The following TNRC6B variants were observed in gnomAD, a reference collection of about 807,000 sequenced individuals.
The protein encoded by TNRC6B is trinucleotide repeat-containing gene 6B protein.
In TNRC6B, 52 loss-of-function variants were observed where a neutral mutation model predicts 203.6. That is an observed-to-expected ratio of 0.26 (90% CI 0.20 to 0.32). The LOEUF (loss-of-function observed/expected upper bound fraction) is 0.32. TNRC6B is among the 10% of genes least tolerant of loss of function. The pLI is 1.00. For synonymous variants in TNRC6B, 838 were observed against 845.7 expected, an observed-to-expected ratio of 0.99 and a Z score of 0.16; for missense variants, 1,923 against 2,286.2, an observed-to-expected ratio of 0.84 and a Z score of 3.24.
At position 40,266,685 on chromosome 22, in the gene TNRC6B, C is replaced by A. The variant is rs763965075; in HGVS notation, c.2455C>A (p.Gln819Lys). 6.2e-6 allele frequency: 10 copies of A among 1,613,752 alleles called. No individual in the cohort carries two copies. In the South Asian group the frequency reaches 1.1e-4, roughly 18 times the overall value. ...CCGACAGCCCAATTCCTGGAATAAACAACACCAACAGCAGCAGCCCCCACA... is the reference window on the plus strand; with the variant it reads ...CCGACAGCCCAATTCCTGGAATAAAAAACACCAACAGCAGCAGCCCCCACA... Reference protein sequence around the residue: ...TGRQPNSWNKQHQQQQPPQQP... With the variant: ...TGRQPNSWNKKHQQQQPPQQP... The change falls in exon 5 of 23, where the codon CAA (glutamine) becomes AAA (lysine). Residue 819 changes from glutamine (Q) to lysine (K), a missense_variant. Coordinates refer to ENST00000454349, the MANE Select transcript of TNRC6B (RefSeq NM_001162501.2).
In TNRC6B at chr22:40,047,743, G is replaced by A. The variant is rs528345476; in HGVS notation, c.-121+2745G>A. 2.6e-5 allele frequency among the ~76,000 whole-genome samples: 4 copies of A among 152,270 alleles called. No individual in the cohort carries two copies. The South Asian group carries it at 8.3e-4, about 32-fold the overall frequency. On this transcript the variant is annotated intron_variant, in intron 1 of 23. Coordinates refer to the TNRC6B transcript ENST00000301923. ...ATACATTTTAGCTCAAGAGTTCAAG[G>A]CTTTCAGAGCCCTTTGTGCAGATTG...
intron 2 of TNRC6B, among the ~76,000 whole-genome samples, chr22:40,248,647 A>G (rs188807946): frequency 1.3e-5 from 2 of 152,304 alleles, no homozygotes; most frequent in African/African-American, 2.4e-5. Flanking sequence ...TATGCAGAGA[A>G]TGTAGTTTAT....
chr22:40,312,352 GA>G (rs1198208193), intron 17 of TNRC6B, among the ~76,000 whole-genome samples, 152 bp from the exon 18 acceptor site: 1 of 152,140 alleles, frequency 6.6e-6, no homozygotes, highest in Non-Finnish European at 1.5e-5. Context: ...TGTTCATGGT[GA>G]TTTTTTTTTC....
intron 3 of TNRC6B, among the ~76,000 whole-genome samples, chr22:40,128,879 T>C (rs78150499): frequency 0.014 from 2,155 of 152,194 alleles, 57 homozygotes; most frequent in African/African-American, 0.05. Flanking sequence ...GAACCAAAAA[T>C]ACATGGTTCC....
chr22:40,044,969 C>T (rs2146256695), exon 1 of TNRC6B: 1 of 151,888 alleles, frequency 6.6e-6, no homozygotes, highest in East Asian at 2.0e-4. Flanking sequence ...CAGCGAAACG[C>T]CGCGCACTCG....
rs895321089 is a variant in TNRC6B, at chr22:40,334,454, C to T, written c.*11213C>T. ...AGCTCAACTGTTCCCACTCCTAACT[C>T]TCCACTATGTGCTTATAACTTCACA... On this transcript the variant is annotated 3_prime_UTR_variant, in exon 23 of 23. Coordinates refer to ENST00000454349, the MANE Select transcript of TNRC6B (RefSeq NM_001162501.2). The T allele has an allele frequency of 6.6e-6, 1 of 152,624 alleles. No homozygotes were observed. Among genetic ancestry groups the T allele is most frequent in the African/African-American group, 2.4e-5 (1 of 41,432 alleles). The allele number at this position is 152,624 out of a possible 1,614,324, so 9.5% of individuals were successfully genotyped here. A position where few individuals can be genotyped will look rare whatever the true frequency, so the allele number is the denominator to read the frequency against.
At chr22:40,213,463 C>T (rs1031845821) in intron 1 of TNRC6B, among the ~76,000 whole-genome samples, 1 of 152,030 alleles carries the variant, frequency 6.6e-6, no homozygotes, top group African/African-American at 2.4e-5. Context: ...TGTGGCAGAC[C>T]GAGGAGATGA....
chr22:40,205,134 G>C (rs1460050154), intron 1 of TNRC6B, among the ~76,000 whole-genome samples: 2 of 152,174 alleles, frequency 1.3e-5, no homozygotes, highest in Non-Finnish European at 2.9e-5. Flanking sequence ...CCACTACTGG[G>C]CCACACTGGA....
rs2071124625 is a variant in TNRC6B, at chr22:40,308,496, GTCT to G, written c.4121-12_4121-10del. 3 of 1,613,864 alleles carry G rather than the reference GTCT, an allele frequency of 1.9e-6. No individual in the cohort carries two copies. The highest frequency in any genetic ancestry group is 2.5e-6 in the Non-Finnish European group (3 of 1,179,808). ...TGATGCTGGAGACTTATAAAATGTG[GTCT>G]TCTCCTTTTTAGGCTTCAGCTCTGG... On this transcript the variant is annotated splice_polypyrimidine_tract_variant and intron_variant, in intron 15 of 22. Transcript: ENST00000454349.
chr22:40,218,524 C>T (rs1023598277), intron 1 of TNRC6B, among the ~76,000 whole-genome samples: 4 of 151,720 alleles, frequency 2.6e-5, no homozygotes, highest in African/African-American at 7.3e-5. Context: ...GACATGGTTT[C>T]GTCATGTTTC....
chr22:40,182,632 T>G (rs1027927554), intron 1 of TNRC6B, among the ~76,000 whole-genome samples: 2 of 152,246 alleles, frequency 1.3e-5, no homozygotes, highest in East Asian at 3.8e-4. Context: ...GTTGGCCCAT[T>G]GCCTTCAATA....
At chr22:40,187,448 T>C (rs1249671363) in intron 1 of TNRC6B, among the ~76,000 whole-genome samples, 4 of 152,168 alleles carry the variant, frequency 2.6e-5, no homozygotes, top group African/African-American at 9.7e-5. Flanking sequence ...TAGAAGTTCC[T>C]AAACATACCG....
intron 1 of TNRC6B, among the ~76,000 whole-genome samples, chr22:40,053,628 A>G (rs1020061501): frequency 1.3e-5 from 2 of 152,154 alleles, no homozygotes; most frequent in African/African-American, 2.4e-5. Flanking sequence ...CTGGATTGCA[A>G]ATTTCTTAAG....
At position 40,238,610 on chromosome 22, in the gene TNRC6B, C is replaced by G. The variant is rs762064725; in HGVS notation, c.6-7405C>G. 4.6e-5 allele frequency among the ~76,000 whole-genome samples: 7 copies of G among 152,224 alleles called. No individual in the cohort carries two copies. In the Middle Eastern group the frequency reaches 0.01, roughly 222 times the overall value. On this transcript the variant is annotated intron_variant, in intron 1 of 22. Coordinates refer to ENST00000454349, the MANE Select transcript of TNRC6B (RefSeq NM_001162501.2). ...TGCCACTCCCTCTGTCTGGAATGTT[C>G]ACCCCCAGATACCCACATGGCCCCA... is the stretch of plus-strand genomic sequence containing the variant.
At chr22:40,073,693 C>T (rs1285299307) in intron 1 of TNRC6B, among the ~76,000 whole-genome samples, 2 of 151,772 alleles carry the variant, frequency 1.3e-5, no homozygotes, top group African/African-American at 2.4e-5. Flanking sequence ...GCAGGTGGAT[C>T]TCTTAAGGCA....
At chr22:40,095,265 T>A (rs1358351513) in intron 1 of TNRC6B, among the ~76,000 whole-genome samples, 1 of 152,226 alleles carries the variant, frequency 6.6e-6, no homozygotes, top group Admixed American at 6.5e-5. Flanking sequence ...TATTTTTTCC[T>A]ACACACCAGA....
At position 40,265,868 on chromosome 22, in the gene TNRC6B, C is replaced by T. The variant is rs1379632460; in HGVS notation, c.1638C>T (p.Leu546=). 1.9e-6 allele frequency: 3 copies of T among 1,613,998 alleles called. No individual in the cohort carries two copies. The South Asian group carries it at 3.3e-5, about 18-fold the overall frequency. The change falls in exon 5 of 23, where the codon CTC becomes CTT. Residue 546 remains leucine, a synonymous_variant. Transcript: ENST00000454349. ...GGGACAATCAAAAGGGCCACCCCCT[C>T]CCTGAAAACCAAGGCAATGCCCAGG... ...GAWDNQKGHP[L]PENQGNAQAP...
intron 3 of TNRC6B, among the ~76,000 whole-genome samples, chr22:40,126,177 A>G (rs1443323458): frequency 6.6e-6 from 1 of 152,210 alleles, no homozygotes; most frequent in African/African-American, 2.4e-5. Flanking sequence ...CAGGAGTCAA[A>G]GCTGGTCCCC....
At chr22:40,125,478 G>T (rs918711923) in intron 2 of TNRC6B, among the ~76,000 whole-genome samples, 13 of 152,050 alleles carry the variant, frequency 8.5e-5, no homozygotes, top group Non-Finnish European at 1.9e-4. Flanking sequence ...CACCACCTCT[G>T]CCAAAAGCCA....
Sources: gnomAD v4.1 joint callset for allele counts (sites outside exome capture counted in the v4.1 genomes callset) on GRCh38, gnomAD v4.1.1 for gene constraint, MANE v1.5 for transcripts, NCBI Gene and HGNC (gene_info 2026-07-23, HGNC 2026-07-21) for gene names.